CLCN6: variants seen among roughly 807,000 people sequenced by gnomAD.
The protein encoded by CLCN6 is Cl-/H+ antiporter 6, also known as H(+)/Cl(-) exchange transporter 6.
CLCN6 carries 70 observed loss-of-function variants against 109.8 expected under a neutral mutation model. The observed-to-expected ratio is 0.64, with a 90% confidence interval of 0.53 to 0.78. The LOEUF (loss-of-function observed/expected upper bound fraction) is 0.78. CLCN6 is among the 30% of genes least tolerant of loss of function. CLCN6 has a pLI of 0.00. For missense variants in CLCN6, 984 were observed against 1,142.3 expected (o/e 0.86, Z 2.00); for synonymous variants, 444 against 447.8 (o/e 0.99, Z 0.11).
rs1264400279 is a variant in CLCN6, at chr1:11,840,336, C to T, written c.*113C>T. On this transcript the variant is annotated 3_prime_UTR_variant, in exon 23 of 23. Transcript: ENST00000346436. ...CATGGAAGATTCCCAGTCACCCACT[C>T]ACTCAGAAAGCCGGGAGTCATCGGA... The T allele has an allele frequency of 5.3e-6, 5 of 949,340 alleles. No homozygotes were observed. The highest frequency in any genetic ancestry group is 8.4e-6 in the Non-Finnish European group (5 of 592,496). 58.8% of individuals were successfully genotyped at this position (949,340 alleles called of 1,614,324 possible).
chr1:11,828,859 G>A (rs1221538358), intron 12 of CLCN6, among the ~76,000 whole-genome samples: 2 of 152,184 alleles, frequency 1.3e-5, no homozygotes, highest in Non-Finnish European at 2.9e-5. Context: ...TTGGCCACTC[G>A]GACACATGAC....
intron 9 of CLCN6, 115 bp downstream of exon 9, chr1:11,826,329 G>T: frequency 1.3e-6 from 1 of 777,674 alleles, no homozygotes; most frequent in Non-Finnish European, 2.2e-6. Context: ...AACCCGACTG[G>T]GAGAAGGGGG....
In CLCN6 at chr1:11,822,753, T is replaced by C. The variant is rs201019236; in HGVS notation, c.405T>C (p.Gly135=). Residue 135 remains glycine (G), a synonymous_variant, in exon 6 of 23, where the codon GGT becomes GGC. Coordinates refer to ENST00000346436, the MANE Select transcript of CLCN6 (RefSeq NM_001286.5). ...CLALSLLELL[G]FNLTFVFLAS... is the part of the protein sequence containing the mutation. ...CTCTGTCTCTCCTTGAACTCCTGGG[T>C]TTTAACCTCACCTTTGTCTTCCTGG... 6.8e-5 allele frequency: 110 copies of C among 1,613,910 alleles called. No individual in the cohort carries two copies. Among genetic ancestry groups the C allele is most frequent in the Non-Finnish European group, 8.6e-5 (102 of 1,179,966 alleles).
chr1:11,838,201 C>G, intron 20 of CLCN6, 134 bp from the exon 21 acceptor site: 1 of 772,582 alleles, frequency 1.3e-6, no homozygotes, highest in Non-Finnish European at 2.1e-6. Flanking sequence ...CACTCTGGAG[C>G]GCTTGCTGCT....
At chr1:11,816,815 T>C in intron 4 of CLCN6, 135 bp downstream of exon 4, 1 of 566,686 alleles carries the variant, frequency 1.8e-6, no homozygotes, top group Non-Finnish European at 3.0e-6. Context: ...ACACTTGTCA[T>C]TATAATCAAG....
At chr1:11,827,887 C>T (rs969310937) in intron 10 of CLCN6, among the ~76,000 whole-genome samples, 1 of 152,204 alleles carries the variant, frequency 6.6e-6, no homozygotes, top group Non-Finnish European at 1.5e-5. Context: ...TAAATAGGCT[C>T]TCATAGTAGA....
rs746501939 is a variant in CLCN6 at position 11,837,514 on chromosome 1, G to A, written c.2295+15G>A. 9 of 1,610,844 alleles carry A rather than the reference G, an allele frequency of 5.6e-6. No individual in the cohort carries two copies. In the East Asian group the frequency reaches 1.6e-4, roughly 28 times the overall value. Reference sequence around the variant, plus strand: ...AAAGCCAGTCGGTAAGTCTCTCCGAGGCAGAAATCAGCCAGGCCAGACCTG... The same window carrying A: ...AAAGCCAGTCGGTAAGTCTCTCCGAAGCAGAAATCAGCCAGGCCAGACCTG... On this transcript the variant is annotated intron_variant, in intron 20 of 22. Transcript: ENST00000346436.
At chr1:11,835,572 G>A (rs1195379859) in intron 17 of CLCN6, among the ~76,000 whole-genome samples, 1 of 152,150 alleles carries the variant, frequency 6.6e-6, no homozygotes, top group Non-Finnish European at 1.5e-5. Flanking sequence ...GCTGCACCCA[G>A]CCCACCCATT....
intron 18 of CLCN6, among the ~76,000 whole-genome samples, chr1:11,836,408 G>C (rs1326992913): frequency 1.3e-5 from 2 of 152,210 alleles, no homozygotes; most frequent in African/African-American, 4.8e-5. Flanking sequence ...AGCTTTCATG[G>C]TTTGTTTACC....
intron 8 of CLCN6, among the ~76,000 whole-genome samples, chr1:11,825,684 G>T (rs1395893410): frequency 6.6e-6 from 1 of 152,132 alleles, no homozygotes. Flanking sequence ...GTGCGATGGT[G>T]CCATCTCTGC....
chr1:11,834,403 C>T lies in CLCN6; in HGVS notation c.1686+8C>T. 1 of 1,613,556 alleles carries T rather than the reference C, an allele frequency of 6.2e-7. No individual in the cohort carries two copies. The highest frequency in any genetic ancestry group is 8.5e-7 in the Non-Finnish European group (1 of 1,179,640). ...ATCATGGTCACACTGATGGTGAGCA[C>T]ACTCCCTCCAGGCCCCTGTCAGGCT... On this transcript the variant is annotated splice_region_variant and intron_variant, in intron 16 of 22. Coordinates refer to ENST00000346436, the MANE Select transcript of CLCN6 (RefSeq NM_001286.5). This position sits in a 1 kb window ranked among gnomAD's most constrained non-coding sequence, Gnocchi z 4.5.
intron 1 of CLCN6, chr1:11,806,551 C>G (rs1644514336): frequency 6.3e-6 from 3 of 476,502 alleles, no homozygotes; most frequent in Non-Finnish European, 7.4e-6. Flanking sequence ...CTCCTGGAAT[C>G]TGAGGGAGAA....
intron 4 of CLCN6, among the ~76,000 whole-genome samples, chr1:11,818,981 A>G (rs1204144126): frequency 1.3e-5 from 2 of 152,258 alleles, no homozygotes; most frequent in Admixed American, 6.5e-5. Context: ...AAAAGCACAT[A>G]CACCTAAATG....
chr1:11,823,782 C>G lies in CLCN6; in HGVS notation c.529C>G (p.Leu177Val). Residue 177 changes from leucine (L) to valine (V), a missense_variant, in exon 7 of 23, where the codon CTC becomes GTC. Physicochemically the swap from Leu to Val is conservative, Grantham distance 32. Coordinates refer to ENST00000346436, the MANE Select transcript of CLCN6 (RefSeq NM_001286.5). Reference protein sequence around the residue: ...NGVKVPGIVRLRTLLCKVLGV... With the variant: ...NGVKVPGIVRVRTLLCKVLGV... ...CGTAAAGGTGCCAGGAATCGTCCGTCTCCGGACCCTGCTCTGCAAGGTCCT... is the reference window on the plus strand; with the variant it reads ...CGTAAAGGTGCCAGGAATCGTCCGTGTCCGGACCCTGCTCTGCAAGGTCCT... 6.2e-7 allele frequency: 1 copy of G among 1,614,282 alleles called. No homozygotes were observed. The highest frequency in any genetic ancestry group is 2.2e-5 in the East Asian group (1 of 44,886).
rs138861247 is a variant in CLCN6 at position 11,834,103 on chromosome 1, C to T, written c.1526+73C>T. On this transcript the variant is annotated intron_variant, in intron 15 of 22. Transcript: ENST00000346436. This position sits in a 1 kb window ranked among gnomAD's most constrained non-coding sequence, Gnocchi z 4.5. The stretch of plus-strand genomic sequence containing the variant: ...GTGTGCGTGTGTATGCATGTGTGTG[C>T]GTGTGCGTGCGTTGATGTGTCTGTG... 1.5e-4 allele frequency: 239 copies of T among 1,590,718 alleles called. 1 individual carries two copies. The East Asian group carries it at 1.5e-3, about 10-fold the overall frequency.
Position 11,837,026 on chromosome 1 carries a change from G to A in CLCN6, c.2008G>A (p.Glu670Lys), listed in dbSNP as rs145408535. 2 of 1,611,830 alleles carry A rather than the reference G, an allele frequency of 1.2e-6. No homozygotes were observed. Among genetic ancestry groups the A allele is most frequent in the African/African-American group, 1.3e-5 (1 of 75,070 alleles). The change falls in exon 19 of 23, where the codon GAG (glutamate) becomes AAG (lysine). Residue 670 changes from glutamate (E) to lysine (K), a missense_variant. Physicochemically the swap from Glu to Lys is moderately conservative, Grantham distance 56 (BLOSUM62 1). Transcript: ENST00000346436. ...ATCCAGCATCCTCACCCGGGCTGGC[G>A]AGCAGCGCAAACGGAGCCAGTCCAT... ...KKSSILTRAG[E>K]QRKRSQSMKS...
In CLCN6 at chr1:11,806,232, G is replaced by A; in HGVS notation, c.-31G>A. ...GATCCTGGCTGGGAGGGGGTTGGTA[G>A]AGGGGTCCAGAGTGGCAGTAAAGGA... is the stretch of plus-strand genomic sequence containing the variant. On this transcript the variant is annotated 5_prime_UTR_variant, in exon 1 of 23. Transcript: ENST00000346436. 1.4e-6 allele frequency: 2 copies of A among 1,416,496 alleles called. No individual in the cohort carries two copies. Among genetic ancestry groups the A allele is most frequent in the Non-Finnish European group, 1.8e-6 (2 of 1,082,120 alleles). The allele number at this position is 1,416,496 out of a possible 1,614,324, so 87.7% of individuals were successfully genotyped here. A position where few individuals can be genotyped will look rare whatever the true frequency, so the allele number is the denominator to read the frequency against.
intron 2 of CLCN6, among the ~76,000 whole-genome samples, chr1:11,814,247 C>CTTTTTTTTTTT (rs1197587407): frequency 5.3e-5 from 7 of 131,224 alleles, no homozygotes; most frequent in South Asian, 2.5e-4. Flanking sequence ...ACTGCTGCGT[C>CTTTTTTTTTTT]TTTTTTTTTT....
At chr1:11,813,534 G>A (rs930589904) in intron 2 of CLCN6, among the ~76,000 whole-genome samples, 1 of 152,028 alleles carries the variant, frequency 6.6e-6, no homozygotes, top group Non-Finnish European at 1.5e-5. Context: ...GGGATTACAA[G>A]TGTGTGCCAC....
Sources: allele counts gnomAD v4.1 joint callset (sites outside exome capture counted in the v4.1 genomes callset), GRCh38; gene constraint gnomAD v4.1.1; non-coding constraint Gnocchi (gnomAD v3.1); transcripts MANE v1.5; gene names NCBI Gene and HGNC (gene_info 2026-07-23, HGNC 2026-07-21).